The following THRAP3 variants were observed in gnomAD, a reference collection of about 807,000 sequenced individuals.
The protein encoded by THRAP3 is thyroid hormone receptor associated protein 3.
In THRAP3, 16 loss-of-function variants were observed where a neutral mutation model predicts 101.0. That is an observed-to-expected ratio of 0.16 (90% CI 0.11 to 0.24). The LOEUF (loss-of-function observed/expected upper bound fraction) is 0.24, where lower values mean the gene tolerates loss of function less well. Ranked by LOEUF, THRAP3 falls within the 10% of genes least tolerant of loss-of-function variation. THRAP3 has a pLI of 1.00. For synonymous variants in THRAP3, 407 were observed against 422.6 expected, an observed-to-expected ratio of 0.96 and a Z score of 0.45; for missense variants, 989 against 1,202.7, an observed-to-expected ratio of 0.82 and a Z score of 2.63.
At chr1:36,221,479 C>T (rs1644902662), upstream of THRAP3, among the ~76,000 whole-genome samples, 2 of 152,098 alleles carry the variant, frequency 1.3e-5, no homozygotes, top group African/African-American at 4.8e-5. Context: ...CAGAAACTGC[C>T]ACATCCACCC....
chr1:36,289,025 C>T (rs1341714050), intron 4 of THRAP3, 35 bp from the exon 5 acceptor site: 3 of 1,521,798 alleles, frequency 2.0e-6, no homozygotes, highest in East Asian at 2.3e-5. Flanking sequence ...TGTTAAGAAG[C>T]CTCTTGTGTC....
chr1:36,302,133 A>T (rs1365589567), intron 11 of THRAP3, among the ~76,000 whole-genome samples: 2 of 152,202 alleles, frequency 1.3e-5, no homozygotes, highest in East Asian at 3.8e-4. Flanking sequence ...ATGAAATGCC[A>T]GTGGGGCTTC....
intron 8 of THRAP3, 101 bp from the exon 9 acceptor site, chr1:36,296,482 C>G: frequency 2.2e-6 from 2 of 919,140 alleles, no homozygotes; most frequent in Admixed American, 2.8e-5. Flanking sequence ...CCCAGTGCTT[C>G]CTCTGCACCC....
At chr1:36,274,059 C>CTGTTTG (rs1645623533) in intron 2 of THRAP3, among the ~76,000 whole-genome samples, 1 of 132,702 alleles carries the variant, frequency 7.5e-6, no homozygotes, top group African/African-American at 2.9e-5. Flanking sequence ...AAAAAAAAGA[C>CTGTTTG]TGTGTGTGTG....
intron 1 of THRAP3, among the ~76,000 whole-genome samples, chr1:36,237,533 G>T (rs1329036136): frequency 6.6e-6 from 1 of 151,492 alleles, no homozygotes; most frequent in African/African-American, 2.4e-5. Flanking sequence ...CACTTTGGGA[G>T]GCCAAGGCAG....
intron 2 of THRAP3, among the ~76,000 whole-genome samples, chr1:36,262,555 T>A (rs1262590145): frequency 6.6e-6 from 1 of 152,200 alleles, no homozygotes; most frequent in African/African-American, 2.4e-5. Flanking sequence ...TGTAGTTCTA[T>A]CCAGGCTTTA....
the THRAP3 span, among the ~76,000 whole-genome samples, chr1:36,211,295 A>G: frequency 6.6e-6 from 1 of 151,960 alleles, no homozygotes; most frequent in Non-Finnish European, 1.5e-5. Context: ...TAAGAGGTCA[A>G]GGCTGCAGTC....
At chr1:36,237,383 G>A (rs142550139) in intron 1 of THRAP3, among the ~76,000 whole-genome samples, 5,372 of 150,246 alleles carry the variant, frequency 0.036, 153 homozygotes, top group Non-Finnish European at 0.053. Flanking sequence ...CAGGAGAATC[G>A]CTTGAACCCA....
At chr1:36,302,620 A>G (rs1646043438) in intron 11 of THRAP3, among the ~76,000 whole-genome samples, 1 of 152,212 alleles carries the variant, frequency 6.6e-6, no homozygotes, top group Non-Finnish European at 1.5e-5. Context: ...ACAAGCAGCC[A>G]TGGTCAGAAG....
At chr1:36,250,540 G>C (rs1645287624) in intron 1 of THRAP3, among the ~76,000 whole-genome samples, 1 of 152,044 alleles carries the variant, frequency 6.6e-6, no homozygotes. Context: ...TTCTCTAGTA[G>C]AGTACAATTT....
Position 36,296,571 on chromosome 1 carries a change from A to G in THRAP3, c.2116-12A>G, listed in dbSNP as rs754426655. 2 of 1,522,200 alleles carry G rather than the reference A, an allele frequency of 1.3e-6. No homozygotes were observed. The highest frequency in any genetic ancestry group is 2.6e-5 in the South Asian group (2 of 75,818). 94.3% of individuals were successfully genotyped at this position (1,522,200 alleles called of 1,614,324 possible). A position where few individuals can be genotyped will look rare whatever the true frequency, so the allele number is the denominator to read the frequency against. Reference sequence around the variant, plus strand: ...ATCCCAGAAACCTTAATTTTGGCTTATCTTTTGATAGGCTGAGGGAAAATA... The same window carrying G: ...ATCCCAGAAACCTTAATTTTGGCTTGTCTTTTGATAGGCTGAGGGAAAATA... On this transcript the variant is annotated splice_polypyrimidine_tract_variant and intron_variant, in intron 8 of 11. Coordinates refer to ENST00000354618, the MANE Select transcript of THRAP3 (RefSeq NM_005119.4).
intron 1 of THRAP3, among the ~76,000 whole-genome samples, chr1:36,241,615 G>C (rs1281912661): frequency 7.3e-6 from 1 of 137,826 alleles, no homozygotes; most frequent in Non-Finnish European, 1.5e-5. Flanking sequence ...GTCTTGCTCT[G>C]TTGCCCAGGC....
chr1:36,290,660 T>C lies in THRAP3; in HGVS notation c.1746-714T>C, dbSNP rs564467577. 2.0e-5 allele frequency among the ~76,000 whole-genome samples: 3 copies of C among 152,144 alleles called. No individual in the cohort carries two copies. The East Asian group carries it at 5.8e-4, about 29-fold the overall frequency. On this transcript the variant is annotated intron_variant, in intron 5 of 11. Coordinates refer to ENST00000354618, the MANE Select transcript of THRAP3 (RefSeq NM_005119.4). The stretch of plus-strand genomic sequence containing the variant: ...TTTGTATTGTTAGTAGAGTCTGGGT[T>C]ACACCATGTTGGCCAGGCTGATCTT...
chr1:36,289,311 A>T lies in THRAP3; in HGVS notation c.1292A>T (p.Asp431Val), dbSNP rs545680478. 6.2e-7 allele frequency: 1 copy of T among 1,614,224 alleles called. No homozygotes were observed. Among genetic ancestry groups the T allele is most frequent in the Non-Finnish European group, 8.5e-7 (1 of 1,180,030 alleles). The change falls in exon 5 of 12, where the codon GAT becomes GTT. Residue 431 changes from aspartate to valine, a missense_variant. Asp to Val is a radical substitution (Grantham distance 152). Transcript: ENST00000354618. ...GCTGACTTCCACAAGGAGGAGATGG[A>T]TGATCAAGATAAGGACAAAGCTAAG... Reference protein sequence around the residue: ...KMADFHKEEMDDQDKDKAKGR... With the variant: ...KMADFHKEEMVDQDKDKAKGR...
intron 1 of THRAP3, among the ~76,000 whole-genome samples, chr1:36,240,588 C>T (rs1157843102): frequency 6.6e-6 from 1 of 152,172 alleles, no homozygotes; most frequent in Non-Finnish European, 1.5e-5. Flanking sequence ...CTGGCAACAC[C>T]CTCACAGACG....
chr1:36,289,298 A>G lies in THRAP3; in HGVS notation c.1279A>G (p.Lys427Glu), dbSNP rs776065432. The G allele has an allele frequency of 9.9e-6, 16 of 1,614,158 alleles. No homozygotes were observed. In the South Asian group the frequency reaches 1.4e-4, roughly 14 times the overall value. Reference sequence around the variant, plus strand: ...TGAGAAGAAGATGGCTGACTTCCACAAGGAGGAGATGGATGATCAAGATAA... The same window carrying G: ...TGAGAAGAAGATGGCTGACTTCCACGAGGAGGAGATGGATGATCAAGATAA... ...DFEKKMADFHKEEMDDQDKDK... is the reference protein window; with the variant it reads ...DFEKKMADFHEEEMDDQDKDK... The change falls in exon 5 of 12, where the codon AAG becomes GAG. Residue 427 changes from lysine to glutamate, a missense_variant. Physicochemically the swap from Lys to Glu is moderately conservative, Grantham distance 56 (BLOSUM62 1). Coordinates refer to ENST00000354618, the MANE Select transcript of THRAP3 (RefSeq NM_005119.4).
intron 1 of THRAP3, among the ~76,000 whole-genome samples, chr1:36,228,734 G>A (rs1301288215): frequency 6.6e-6 from 1 of 152,164 alleles, no homozygotes; most frequent in African/African-American, 2.4e-5. Flanking sequence ...TTTTTGAATA[G>A]GGGTGCATTT....
intron 1 of THRAP3, among the ~76,000 whole-genome samples, chr1:36,228,354 A>G (rs971685463): frequency 3.9e-5 from 6 of 152,180 alleles, no homozygotes; most frequent in African/African-American, 1.4e-4. Context: ...AATAGCTGGA[A>G]TTATAGGCAT....
At chr1:36,234,017 G>A (rs1189452576) in intron 1 of THRAP3, among the ~76,000 whole-genome samples, 5 of 152,018 alleles carry the variant, frequency 3.3e-5, no homozygotes, top group African/African-American at 7.2e-5. Context: ...GTATGGTGGC[G>A]TGATCACGGC....
Sources: gnomAD v4.1 joint callset for allele counts (sites outside exome capture counted in the v4.1 genomes callset) on GRCh38, gnomAD v4.1.1 for gene constraint, MANE v1.5 for transcripts, NCBI Gene and HGNC (gene_info 2026-07-23, HGNC 2026-07-21) for gene names.